Variants in MATR3 observed in about 807,000 individuals in gnomAD.
The protein encoded by MATR3 is matrin-3.
MATR3 carries 4 observed loss-of-function variants against 85.5 expected under a neutral mutation model. The observed-to-expected ratio is 0.05, with a 90% CI of 0.02 to 0.11. The LOEUF (loss-of-function observed/expected upper bound fraction) is 0.11. MATR3 is among the 10% of genes least tolerant of loss of function. The pLI is 1.00. For synonymous variants in MATR3, 336 were observed against 343.1 expected (o/e 0.98, Z 0.23); for missense variants, 685 against 1,016.1 (o/e 0.67, Z 4.43).
At chr5:139,277,125 A>G (rs768893785) in intron 2 of MATR3, among the ~76,000 whole-genome samples, 3 of 151,526 alleles carry the variant, frequency 2.0e-5, no homozygotes, top group Non-Finnish European at 4.4e-5. Context: ...GTGTGCCACC[A>G]CAACCAGATA....
upstream of MATR3, chr5:139,291,867 T>C (rs1055792798): frequency 2.6e-5 from 4 of 151,968 alleles, no homozygotes; most frequent in Admixed American, 6.6e-5. Flanking sequence ...GGCTATGCCA[T>C]TTCAGGTAGT....
chr5:139,281,651 C>T (rs753989554), intron 3 of MATR3, among the ~76,000 whole-genome samples: 5 of 152,100 alleles, frequency 3.3e-5, no homozygotes, highest in East Asian at 1.9e-4. Context: ...CACACCCAGC[C>T]GAAGTAGTTT....
At chr5:139,279,498 A>C (rs1313232967) in intron 3 of MATR3, 1 of 179,516 alleles carries the variant, frequency 5.6e-6, no homozygotes, top group Non-Finnish European at 1.2e-5. Flanking sequence ...AAATGCTGGG[A>C]TTACAGGTTT....
In MATR3 at chr5:139,277,796, T is replaced by C. The variant is rs73255203; in HGVS notation, c.-256-1255T>C. On this transcript the variant is annotated intron_variant, in intron 2 of 16. Transcript: ENST00000509990. ...TTTTTTTTTTAATTGACAGTAATTG[T>C]ATATGTTATATGGGGTACAACATGA... Among the ~76,000 whole-genome samples the C allele has an allele frequency of 5.8e-3, 879 of 150,420 alleles. 8 individuals are homozygous for C. The highest frequency in any genetic ancestry group is 0.021 in the African/African-American group (848 of 40,876).
Position 139,307,224 on chromosome 5 carries a change from C to A in MATR3, c.-177-15C>A. ...TTAAAGGGATTTATGACTAAAATTGCTTATTTTTCTACAGAGTTGTCTGCT... is the reference window on the plus strand; with the variant it reads ...TTAAAGGGATTTATGACTAAAATTGATTATTTTTCTACAGAGTTGTCTGCT... On this transcript the variant is annotated splice_polypyrimidine_tract_variant and intron_variant, in intron 1 of 14. Coordinates refer to ENST00000394805, the MANE Select transcript of MATR3 (RefSeq NM_018834.6). This position sits in a 1 kb window ranked among gnomAD's most constrained non-coding sequence, Gnocchi z 4.4. The A allele has an allele frequency of 7.9e-7, 1 of 1,273,168 alleles. No individual in the cohort carries two copies. The highest frequency in any genetic ancestry group is 9.9e-7 in the Non-Finnish European group (1 of 1,012,292). 78.9% of individuals were successfully genotyped at this position (1,273,168 alleles called of 1,614,324 possible). A position where few individuals can be genotyped will look rare whatever the true frequency, so the allele number is the denominator to read the frequency against.
intron 11 of MATR3, 31 bp from the exon 12 acceptor site, chr5:139,322,567 A>G (rs369669500): frequency 1.3e-6 from 2 of 1,564,200 alleles, no homozygotes; most frequent in Non-Finnish European, 1.8e-6. Context: ...TCAGACAACA[A>G]ATTAATTGTG....
chr5:139,317,019 A>G, intron 5 of MATR3, 34 bp from the exon 6 acceptor site: 1 of 1,596,852 alleles, frequency 6.3e-7, no homozygotes, highest in Non-Finnish European at 8.6e-7. Flanking sequence ...AAGTATAGTG[A>G]TTACAAGACT....
intron 10 of MATR3, 98 bp downstream of exon 10, chr5:139,322,127 A>T: frequency 1.5e-6 from 2 of 1,370,606 alleles, no homozygotes; most frequent in Non-Finnish European, 2.1e-6. Context: ...AAAATACAGG[A>T]TTATTGAAAC....
intron 1 of MATR3, among the ~76,000 whole-genome samples, chr5:139,304,002 A>G (rs750601015): frequency 4.4e-4 from 67 of 152,230 alleles, no homozygotes; most frequent in African/African-American, 1.2e-3. Flanking sequence ...GAAAAAGCCA[A>G]TAACAAAAAT....
At chr5:139,276,413 A>G (rs1199975296) in intron 2 of MATR3, 9 of 340,050 alleles carry the variant, frequency 2.6e-5, no homozygotes, top group Non-Finnish European at 4.1e-5. Flanking sequence ...AAAATATAGT[A>G]ACACTAACGA....
intron 3 of MATR3, among the ~76,000 whole-genome samples, chr5:139,287,298 A>T (rs180800225): frequency 1.6e-4 from 25 of 152,264 alleles, no homozygotes; most frequent in African/African-American, 4.6e-4. Flanking sequence ...TATAATCTCA[A>T]ATCCATACTC....
upstream of MATR3, among the ~76,000 whole-genome samples, chr5:139,292,345 A>G (rs1400378378): frequency 6.6e-6 from 1 of 152,168 alleles, no homozygotes; most frequent in Non-Finnish European, 1.5e-5. Context: ...TTGTAGGGTT[A>G]TGTGTAAACT....
chr5:139,312,441 C>T (rs1426777656), intron 2 of MATR3: 1 of 152,168 alleles, frequency 6.6e-6, no homozygotes, highest in Non-Finnish European at 1.5e-5. Flanking sequence ...GGCAGTGGTC[C>T]ATTACTTTCC....
Position 139,307,590 on chromosome 5 carries a change from G to A in MATR3, c.175G>A (p.Gly59Arg). ...TARLASLMNL[G>R]MSSSLNQQGA... ...ACGCCTTGCTAGTTTAATGAATCTTGGAATGAGTTCTTCATTGAATCAACA... is the reference window on the plus strand; with the variant it reads ...ACGCCTTGCTAGTTTAATGAATCTTAGAATGAGTTCTTCATTGAATCAACA... The change falls in exon 2 of 15, where the codon GGA (glycine) becomes AGA (arginine). Residue 59 changes from glycine (G) to arginine (R), a missense_variant. Around this residue, in one of 9 missense-constraint regions of MATR3, gnomAD observed 57 missense variants for 68.6 expected, o/e 0.83. Coordinates refer to ENST00000394805, the MANE Select transcript of MATR3 (RefSeq NM_018834.6). This position sits in a 1 kb window ranked among gnomAD's most constrained non-coding sequence, Gnocchi z 4.4. 1 of 1,614,058 alleles carries A rather than the reference G, an allele frequency of 6.2e-7. No homozygotes were observed. The highest frequency in any genetic ancestry group is 8.5e-7 in the Non-Finnish European group (1 of 1,180,026).
intron 1 of MATR3, among the ~76,000 whole-genome samples, chr5:139,302,290 G>A (rs1754486755): frequency 6.6e-6 from 1 of 151,970 alleles, no homozygotes; most frequent in African/African-American, 2.4e-5. Flanking sequence ...GCCACTCAAG[G>A]TACATGCCAT....
chr5:139,294,159 C>A (rs1249005077), intron 1 of MATR3: 3 of 906,072 alleles, frequency 3.3e-6, no homozygotes, highest in East Asian at 6.6e-5. Flanking sequence ...GGGGGCGGGA[C>A]GACTAGCCCG....
In MATR3 at chr5:139,296,673, AAC is replaced by A. The variant is rs143317066; in HGVS notation, c.-178+2872_-178+2873del. On this transcript the variant is annotated intron_variant, in intron 1 of 14. Transcript: ENST00000394805. ...ACATTTTGGATATTGGGTATAAGCA[AAC>A]ACAGGAATCAGAATATTCTTAGGCA... Among the ~76,000 whole-genome samples, 60 of 152,384 alleles carry A rather than the reference AAC, an allele frequency of 3.9e-4. No individual in the cohort carries two copies. In the East Asian group the frequency reaches 0.011, roughly 27 times the overall value.
intron 6 of MATR3, 129 bp downstream of exon 6, chr5:139,317,234 G>A (rs1383766124): frequency 2.1e-5 from 20 of 947,754 alleles, no homozygotes; most frequent in East Asian, 5.2e-5. Context: ...AAACAATCAC[G>A]TTTTTCTATG....
In MATR3 at chr5:139,318,985, T is replaced by C; in HGVS notation, c.1386T>C (p.Phe462=). 6.2e-7 allele frequency: 1 copy of C among 1,614,094 alleles called. No individual in the cohort carries two copies. The highest frequency in any genetic ancestry group is 2.2e-5 in the East Asian group (1 of 44,888). ...DYYTTTPALV[F]GKPVRVHLSQ... ...ACACAACCACACCAGCGTTAGTATT[T>C]GGCAAGCCAGTGAGAGTTCATTTAT... Residue 462 remains phenylalanine (F), a synonymous_variant, in exon 8 of 15, where the codon TTT becomes TTC. Transcript: ENST00000394805.
Sources: allele counts gnomAD v4.1 joint callset (sites outside exome capture counted in the v4.1 genomes callset), GRCh38; gene constraint gnomAD v4.1.1; regional missense constraint gnomAD v4.1.1; non-coding constraint Gnocchi (gnomAD v3.1); transcripts MANE v1.5; gene names NCBI Gene and HGNC (gene_info 2026-07-23, HGNC 2026-07-21).